Variants in HOXD3 observed in about 807,000 individuals in gnomAD.
HOXD3 encodes the protein homeobox protein Hox-D3.
In HOXD3, 13 loss-of-function variants were observed where a neutral mutation model predicts 32.8. That is an observed-to-expected ratio of 0.40 (90% CI 0.26 to 0.63). HOXD3 has a LOEUF of 0.63. Ranked by LOEUF, HOXD3 falls within the 20% of genes least tolerant of loss-of-function variation. HOXD3 has a pLI of 0.44. For missense variants in HOXD3, 504 were observed against 577.1 expected (o/e 0.87, Z 1.30); for synonymous variants, 241 against 246.8 (o/e 0.98, Z 0.22).
Position 176,172,276 on chromosome 2 carries a change from G to T in HOXD3, c.*2G>T. 1 of 1,587,582 alleles carries T rather than the reference G, an allele frequency of 6.3e-7. No homozygotes were observed. The highest frequency in any genetic ancestry group is 8.5e-7 in the Non-Finnish European group (1 of 1,170,176). On this transcript the variant is annotated 3_prime_UTR_variant, in exon 4 of 4. Coordinates refer to ENST00000683222, the MANE Select transcript of HOXD3 (RefSeq NM_006898.5). ...GCTCCCAAACTGACGCATCTGTAGC[G>T]GCCGCCGCCAGCCCGAACTCGCGGC... is the stretch of plus-strand genomic sequence containing the variant.
intron 3 of HOXD3, 66 bp downstream of exon 3, chr2:176,169,721 C>A: frequency 6.6e-7 from 1 of 1,514,676 alleles, no homozygotes; most frequent in South Asian, 1.3e-5. Flanking sequence ...GAAGCCTAGT[C>A]AGGGCTGGAA....
Position 176,169,652 on chromosome 2 carries a change from G to A in HOXD3, c.538G>A (p.Ala180Thr). 6.3e-7 allele frequency: 1 copy of A among 1,590,146 alleles called. No individual in the cohort carries two copies. Among genetic ancestry groups the A allele is most frequent in the Non-Finnish European group, 8.6e-7 (1 of 1,165,894 alleles). ...NSKQKNSCAT[A>T]GESCEDKSPP... is the part of the protein sequence containing the mutation. ...CAAGCAGAAGAACAGCTGTGCCACT[G>A]CAGGTAGCTCCCTGAGGTGGCCTAC... is the stretch of plus-strand genomic sequence containing the variant. Residue 180 changes from alanine to threonine, a missense_variant, in exon 3 of 4, where the codon GCA becomes ACA. Physicochemically the swap from Ala to Thr is moderately conservative, Grantham distance 58. Coordinates refer to ENST00000683222, the MANE Select transcript of HOXD3 (RefSeq NM_006898.5).
rs771469636 is a variant in HOXD3, at chr2:176,169,246, C to G, written c.132C>G (p.Ser44Arg). The G allele has an allele frequency of 1.9e-6, 3 of 1,614,064 alleles. No homozygotes were observed. The South Asian group carries it at 3.3e-5, about 18-fold the overall frequency. ...AAACTACGGACACTTACGGCTACAG[C>G]ACCCCCCACCAGCCCTACCCACCCC... ...YSKTTDTYGY[S>R]TPHQPYPPPA... Residue 44 changes from serine to arginine, a missense_variant, in exon 3 of 4, where the codon AGC becomes AGG. By Grantham distance (110) the Ser-to-Arg change is moderately radical (BLOSUM62 -1). Transcript: ENST00000683222.
intron 2 of HOXD3, among the ~76,000 whole-genome samples, chr2:176,166,004 A>G (rs1690960841): frequency 6.6e-6 from 1 of 152,140 alleles, no homozygotes; most frequent in Non-Finnish European, 1.5e-5. Flanking sequence ...TTTTGTTTTA[A>G]GAGGGATCAC....
At chr2:176,156,605 T>C (rs1305511903), upstream of HOXD3, among the ~76,000 whole-genome samples, 1 of 152,096 alleles carries the variant, frequency 6.6e-6, no homozygotes, top group Admixed American at 6.5e-5. Flanking sequence ...ACTTTTCCAG[T>C]ACTGTTAAGC....
At chr2:176,162,882 TAATC>T (rs1199704188) in intron 1 of HOXD3, among the ~76,000 whole-genome samples, 2 of 152,278 alleles carry the variant, frequency 1.3e-5, no homozygotes, top group South Asian at 2.1e-4. Flanking sequence ...AAATAAAAAA[TAATC>T]AAGCGGCGAA....
intron 1 of HOXD3, among the ~76,000 whole-genome samples, chr2:176,161,499 G>A (rs1262395788): frequency 6.6e-6 from 1 of 152,134 alleles, no homozygotes; most frequent in Non-Finnish European, 1.5e-5. Context: ...AAGATGGAGC[G>A]TCATATTAAT....
intron 1 of HOXD3, among the ~76,000 whole-genome samples, chr2:176,157,859 C>A (rs1317026678): frequency 6.6e-6 from 1 of 152,088 alleles, no homozygotes; most frequent in African/African-American, 2.4e-5. Flanking sequence ...CGCACGCGGG[C>A]CGAGGTTGCC....
At chr2:176,167,561 A>G (rs1229244793) in intron 2 of HOXD3, among the ~76,000 whole-genome samples, 1 of 152,092 alleles carries the variant, frequency 6.6e-6, no homozygotes, top group African/African-American at 2.4e-5. Context: ...AGTTTTCTAC[A>G]TTGTAGATTT....
chr2:176,157,056 G>A (rs971727349), upstream of HOXD3, among the ~76,000 whole-genome samples: 5 of 152,230 alleles, frequency 3.3e-5, no homozygotes, highest in Middle Eastern at 3.4e-3. Flanking sequence ...AGCAGAGCCC[G>A]CTGAGTATAG....
rs1300088957 is a variant in HOXD3, at chr2:176,169,400, G to T, written c.286G>T (p.Gly96Trp). The change falls in exon 3 of 4, where the codon GGG (glycine) becomes TGG (tryptophan). Residue 96 changes from glycine to tryptophan, a missense_variant. By Grantham distance (184) the Gly-to-Trp change is radical. Transcript: ENST00000683222. Reference sequence around the variant, plus strand: ...TGGCAGCTGCATGCGGCCGGGCACTGGGAACAGCCAGGGTGGGGGTGGTGG... The same window carrying T: ...TGGCAGCTGCATGCGGCCGGGCACTTGGAACAGCCAGGGTGGGGGTGGTGG... ...LNGSCMRPGTGNSQGGGGGSQ... is the reference protein window; with the variant it reads ...LNGSCMRPGTWNSQGGGGGSQ... The T allele has an allele frequency of 6.2e-7, 1 of 1,613,792 alleles. No individual in the cohort carries two copies. The highest frequency in any genetic ancestry group is 2.2e-5 in the East Asian group (1 of 44,876).
At position 176,157,391 on chromosome 2, in the gene HOXD3, G is replaced by A. The variant is rs1690670163; in HGVS notation, c.-242G>A. 6.6e-6 allele frequency among the ~76,000 whole-genome samples: 1 copy of A among 152,252 alleles called. No homozygotes were observed. The highest frequency in any genetic ancestry group is 2.4e-5 in the African/African-American group (1 of 41,546). On this transcript the variant is annotated 5_prime_UTR_variant, in exon 1 of 4. Coordinates refer to ENST00000683222, the MANE Select transcript of HOXD3 (RefSeq NM_006898.5). ...CCAAGAATATCACCCGTCCAGGGGGGCCGCGCGGTGCCCCCGGCCCTCCAC... is the reference window on the plus strand; with the variant it reads ...CCAAGAATATCACCCGTCCAGGGGGACCGCGCGGTGCCCCCGGCCCTCCAC...
chr2:176,171,414 G>A, intron 3 of HOXD3, 103 bp from the exon 4 acceptor site: 1 of 1,051,674 alleles, frequency 9.5e-7, no homozygotes, highest in Non-Finnish European at 1.3e-6. Flanking sequence ...GATTGGAGGT[G>A]GGGGGAGGGA....
chr2:176,172,467 ACTCGCCATAAATCAGCCG>A lies in HOXD3; in HGVS notation c.*195_*212del, dbSNP rs1425645907. ...CCCCTCCATGGGCGTCCTTTGGGTG[ACTCGCCATAAATCAGCCG>A]CAAGGATCCTTCCCTGTAAATTTGA... On this transcript the variant is annotated 3_prime_UTR_variant, in exon 4 of 4. Transcript: ENST00000683222. 3.4e-6 allele frequency: 2 copies of A among 580,314 alleles called. No homozygotes were observed. The highest frequency in any genetic ancestry group is 4.5e-4 in the Middle Eastern group (1 of 2,210). 35.9% of individuals were successfully genotyped at this position (580,314 alleles called of 1,614,324 possible). A position where few individuals can be genotyped will look rare whatever the true frequency, so the allele number is the denominator to read the frequency against.
upstream of HOXD3, chr2:176,152,932 C>T (rs770567235): frequency 3.0e-5 from 49 of 1,614,024 alleles, no homozygotes; most frequent in Non-Finnish European, 3.8e-5. The surrounding 1 kb of genome is among the most constrained non-coding windows in gnomAD (Gnocchi z 5.2). Flanking sequence ...ACGGACCTGA[C>T]GACCTTATAG....
intron 2 of HOXD3, among the ~76,000 whole-genome samples, chr2:176,168,244 G>A (rs1691043868): frequency 8.7e-6 from 1 of 114,766 alleles, no homozygotes; most frequent in Non-Finnish European, 1.7e-5. Context: ...GGGCAACATT[G>A]TAAGACCCTG....
chr2:176,162,279 A>G (rs533687136), intron 1 of HOXD3, among the ~76,000 whole-genome samples: 19 of 152,294 alleles, frequency 1.2e-4, no homozygotes, highest in African/African-American at 1.4e-4. Flanking sequence ...GTAGCATTTC[A>G]TTTGGCCCCA....
At chr2:176,155,376 C>G (rs931443417), upstream of HOXD3, among the ~76,000 whole-genome samples, 1 of 152,216 alleles carries the variant, frequency 6.6e-6, no homozygotes, top group Non-Finnish European at 1.5e-5. Flanking sequence ...CAGAGGAAAG[C>G]CAAGAAACAT....
upstream of HOXD3, among the ~76,000 whole-genome samples, chr2:176,157,275 A>G (rs1377787332): frequency 6.6e-6 from 1 of 152,158 alleles, no homozygotes; most frequent in Non-Finnish European, 1.5e-5. Flanking sequence ...GATTGGCGAA[A>G]TAATTAATTC....
Sources: gnomAD v4.1 joint callset for allele counts (sites outside exome capture counted in the v4.1 genomes callset) on GRCh38, gnomAD v4.1.1 for gene constraint, Gnocchi (gnomAD v3.1) non-coding constraint, MANE v1.5 for transcripts, NCBI Gene and HGNC (gene_info 2026-07-23, HGNC 2026-07-21) for gene names.